KIF1B: variants seen among roughly 807,000 people sequenced by gnomAD.
The protein encoded by KIF1B is kinesin family member 1B.
Under a neutral mutation model 241.9 loss-of-function variants are expected in KIF1B, and 76 were observed. That is an observed-to-expected ratio of 0.31 (90% confidence interval 0.26 to 0.38). The LOEUF (loss-of-function observed/expected upper bound fraction) is 0.38, where lower values mean the gene tolerates loss of function less well. Ranked by LOEUF, KIF1B falls within the 10% of genes least tolerant of loss-of-function variation. The pLI, the probability that KIF1B is intolerant of heterozygous loss-of-function variation, is 1.00. For missense variants in KIF1B, 1,622 were observed against 2,271.4 expected, an observed-to-expected ratio of 0.71 and a Z score of 5.81; for synonymous variants, 750 against 796.7, an observed-to-expected ratio of 0.94 and a Z score of 0.99.
intron 22 of KIF1B, chr1:10,305,453 C>G (rs180831292): frequency 1.9e-6 from 2 of 1,058,578 alleles, no homozygotes; most frequent in African/African-American, 1.6e-5. Context: ...ATCATGCCAA[C>G]AGAAATACCA....
chr1:10,304,210 G>T, intron 22 of KIF1B: 1 of 1,614,144 alleles, frequency 6.2e-7, no homozygotes, highest in Non-Finnish European at 8.5e-7. Flanking sequence ...AGAAAAAGGG[G>T]GTAAAGGAGC....
At chr1:10,290,229 A>G (rs970341536) in intron 15 of KIF1B, among the ~76,000 whole-genome samples, 2 of 152,092 alleles carry the variant, frequency 1.3e-5, no homozygotes, top group Admixed American at 6.5e-5. Flanking sequence ...ATAGGAATAC[A>G]TGTGCCATGG....
chr1:10,313,226 C>A (rs1223465513), intron 22 of KIF1B, among the ~76,000 whole-genome samples: 1 of 151,036 alleles, frequency 6.6e-6, no homozygotes, highest in Non-Finnish European at 1.5e-5. Flanking sequence ...CCACCACGCC[C>A]TACTTATTTT....
Position 10,379,534 on chromosome 1 carries a change from T to C in KIF1B, c.*2947T>C, listed in dbSNP as rs988060783. 8.6e-6 allele frequency: 2 copies of C among 231,752 alleles called. No homozygotes were observed. The highest frequency in any genetic ancestry group is 1.8e-4 in the South Asian group (1 of 5,530). 14.4% of individuals were successfully genotyped at this position (231,752 alleles called of 1,614,324 possible). On this transcript the variant is annotated 3_prime_UTR_variant, in exon 49 of 49. Coordinates refer to ENST00000676179, the MANE Select transcript of KIF1B (RefSeq NM_001365951.3). ...TGAGAGATTTGTGGCAGGAACTGTT[T>C]ATGAGGCTCTAGTTGTTGCTGTTGT...
intron 35 of KIF1B, 71 bp from the exon 36 acceptor site, chr1:10,347,690 A>G (rs1290867108): frequency 5.4e-6 from 7 of 1,291,140 alleles, no homozygotes; most frequent in Non-Finnish European, 7.9e-6. Flanking sequence ...TATCAAAACA[A>G]AGACCACCAG....
At chr1:10,305,756 A>C in intron 22 of KIF1B, 1 of 1,056,052 alleles carries the variant, frequency 9.5e-7, no homozygotes, top group Non-Finnish European at 1.1e-6. Flanking sequence ...TTGTGGTCTC[A>C]GTTTGCCTCA....
chr1:10,247,360 T>C (rs976207378), intron 2 of KIF1B, among the ~76,000 whole-genome samples: 1 of 152,162 alleles, frequency 6.6e-6, no homozygotes, highest in Non-Finnish European at 1.5e-5. Context: ...CTTGTTTGCT[T>C]TTATCTAAAA....
intron 5 of KIF1B, among the ~76,000 whole-genome samples, chr1:10,263,352 C>G (rs1294886880): frequency 4.2e-5 from 6 of 142,696 alleles, no homozygotes; most frequent in Non-Finnish European, 8.8e-5. Flanking sequence ...CTCACCGCCA[C>G]CCCCCCACCA....
At chr1:10,293,350 A>C (rs1650100598) in intron 17 of KIF1B, among the ~76,000 whole-genome samples, 1 of 151,986 alleles carries the variant, frequency 6.6e-6, no homozygotes, top group African/African-American at 2.4e-5. Context: ...ATGTCTAATA[A>C]AGGTATTTTA....
intron 15 of KIF1B, among the ~76,000 whole-genome samples, chr1:10,290,816 C>G (rs1557691857): frequency 6.6e-6 from 1 of 151,278 alleles, no homozygotes; most frequent in Non-Finnish European, 1.5e-5. Flanking sequence ...TTGCAGTGAT[C>G]TGAGATCGCG....
Position 10,303,615 on chromosome 1 carries a change from G to A in KIF1B, c.2115+6369G>A, listed in dbSNP as rs756856466. 9 of 1,614,086 alleles carry A rather than the reference G, an allele frequency of 5.6e-6. No individual in the cohort carries two copies. Among genetic ancestry groups the A allele is most frequent in the Non-Finnish European group, 7.6e-6 (9 of 1,180,056 alleles). ...AGATCGAAGACGTCATGGCCACTGG[G>A]AAAGGCAGCACTGATGTAGATGACC... On this transcript the variant is annotated intron_variant, in intron 22 of 48. Transcript: ENST00000676179. This position sits in a 1 kb window ranked among gnomAD's most constrained non-coding sequence, Gnocchi z 5.2.
In KIF1B at chr1:10,303,311, G is replaced by C. The variant is rs749601291; in HGVS notation, c.2115+6065G>C. On this transcript the variant is annotated intron_variant, in intron 22 of 48. Coordinates refer to ENST00000676179, the MANE Select transcript of KIF1B (RefSeq NM_001365951.3). This position sits in a 1 kb window ranked among gnomAD's most constrained non-coding sequence, Gnocchi z 5.2. ...GGCCTCCCAAGCAGTGGGAAGAAAC[G>C]TGAACCAATTAAAATGTATCAGATA... The C allele has an allele frequency of 5.0e-6, 8 of 1,614,172 alleles. No homozygotes were observed. Among genetic ancestry groups the C allele is most frequent in the Non-Finnish European group, 5.9e-6 (7 of 1,180,028 alleles).
At chr1:10,277,033 A>G (rs911853155) in intron 12 of KIF1B, among the ~76,000 whole-genome samples, 5 of 151,790 alleles carry the variant, frequency 3.3e-5, no homozygotes, top group Non-Finnish European at 5.9e-5. Flanking sequence ...GTGAGCCGAG[A>G]TGGCGCCACT....
At chr1:10,364,056 C>T (rs758998705) in intron 41 of KIF1B, among the ~76,000 whole-genome samples, 2 of 151,874 alleles carry the variant, frequency 1.3e-5, no homozygotes, top group Middle Eastern at 3.4e-3. Context: ...TATGTAAAAC[C>T]AGCATAATAC....
At position 10,276,069 on chromosome 1, in the gene KIF1B, C is replaced by G. The variant is rs531447484; in HGVS notation, c.959-252C>G. On this transcript the variant is annotated intron_variant, in intron 11 of 48. Coordinates refer to ENST00000676179, the MANE Select transcript of KIF1B (RefSeq NM_001365951.3). ...TACAGACACACACCACCTTGCCCAG[C>G]TAATTTTTTTGTACTTTTAGTAGAG... Among the ~76,000 whole-genome samples the G allele has an allele frequency of 1.5e-3, 222 of 152,106 alleles. 1 individual carries two copies. The highest frequency in any genetic ancestry group is 2.5e-3 in the Non-Finnish European group (170 of 67,990).
rs929404728 is a variant in KIF1B at position 10,374,013 on chromosome 1, G to T, written c.4947-303G>T. ...TGGGACTAAAAAGAAACATATAAAGGAGTAGAGTTCCTATTCCAGATAATG... is the reference window on the plus strand; with the variant it reads ...TGGGACTAAAAAGAAACATATAAAGTAGTAGAGTTCCTATTCCAGATAATG... On this transcript the variant is annotated intron_variant, in intron 45 of 48. Transcript: ENST00000676179. This position sits in a 1 kb window ranked among gnomAD's most constrained non-coding sequence, Gnocchi z 4.3. Among the ~76,000 whole-genome samples the T allele has an allele frequency of 2.6e-5, 4 of 152,222 alleles. No individual in the cohort carries two copies. Among genetic ancestry groups the T allele is most frequent in the Admixed American group, 2.6e-4 (4 of 15,278 alleles).
intron 22 of KIF1B, chr1:10,305,892 G>A (rs1017733640): frequency 1.7e-5 from 18 of 1,052,432 alleles, no homozygotes; most frequent in Admixed American, 1.1e-4. Context: ...AGAGATGTCC[G>A]AAATTGCCTG....
At chr1:10,276,630 C>T (rs995225549) in intron 12 of KIF1B, among the ~76,000 whole-genome samples, 1 of 151,966 alleles carries the variant, frequency 6.6e-6, no homozygotes, top group Non-Finnish European at 1.5e-5. Flanking sequence ...TTTTTTATCC[C>T]TCATGGATAC....
intron 37 of KIF1B, among the ~76,000 whole-genome samples, chr1:10,349,085 A>T (rs941310369): frequency 6.6e-6 from 1 of 152,194 alleles, no homozygotes; most frequent in Admixed American, 6.5e-5. Flanking sequence ...ATGTTATCCA[A>T]CTAACTAACT....
Sources: gnomAD v4.1 joint callset for allele counts (sites outside exome capture counted in the v4.1 genomes callset) on GRCh38, gnomAD v4.1.1 for gene constraint, Gnocchi (gnomAD v3.1) non-coding constraint, MANE v1.5 for transcripts, NCBI Gene and HGNC (gene_info 2026-07-23, HGNC 2026-07-21) for gene names.